Variants in CHRM3 observed in about 807,000 individuals in gnomAD.
CHRM3 encodes muscarinic acetylcholine receptor M3.
A neutral mutation model predicts 41.8 loss-of-function variants in CHRM3; 11 were observed. That is an observed-to-expected ratio of 0.26 (90% CI 0.17 to 0.44). The LOEUF is 0.44. Ranked by LOEUF, CHRM3 falls within the 20% of genes least tolerant of loss-of-function variation. CHRM3 has a pLI of 1.00. For missense variants in CHRM3, 571 were observed against 745.4 expected (o/e 0.77, Z 2.72); for synonymous variants, 297 against 301.4 (o/e 0.99, Z 0.15).
Position 239,456,298 on chromosome 1 carries a change from A to G in CHRM3, c.-520-36411A>G, listed in dbSNP as rs116600646. 1.4e-3 allele frequency among the ~76,000 whole-genome samples: 210 copies of G among 152,338 alleles called. 1 individual carries two copies. The highest frequency in any genetic ancestry group is 2.3e-3 in the Non-Finnish European group (156 of 68,036). On this transcript the variant is annotated intron_variant, in intron 1 of 6. Transcript: ENST00000676153. ...CTTCCAATCCTGCAAGCTGCGTTCG[A>G]GGTAAATGCCCTATGCAGGTAAACC...
At chr1:239,438,999 C>T (rs761471197) in intron 1 of CHRM3, among the ~76,000 whole-genome samples, 3 of 152,278 alleles carry the variant, frequency 2.0e-5, no homozygotes, top group African/African-American at 4.8e-5. Flanking sequence ...AATAATTCCC[C>T]TCCTGAGCAG....
chr1:239,610,719 A>G (rs987686546), intron 3 of CHRM3, among the ~76,000 whole-genome samples: 6 of 152,066 alleles, frequency 3.9e-5, no homozygotes, highest in African/African-American at 1.2e-4. Context: ...TTTAGCCTCC[A>G]CCCTCTGTGC....
chr1:239,524,702 A>C (rs1237155158), intron 2 of CHRM3, among the ~76,000 whole-genome samples: 2 of 152,244 alleles, frequency 1.3e-5, no homozygotes, highest in East Asian at 3.9e-4. Context: ...AAACTCAAAA[A>C]GTTTGAAGAA....
At chr1:239,530,888 C>T (rs1670358169) in intron 2 of CHRM3, among the ~76,000 whole-genome samples, 1 of 151,996 alleles carries the variant, frequency 6.6e-6, no homozygotes, top group Non-Finnish European at 1.5e-5. Flanking sequence ...AAGAAAAAGG[C>T]AGAAAAGGCA....
chr1:239,879,660 G>T (rs955903565), intron 6 of CHRM3, among the ~76,000 whole-genome samples: 2 of 152,210 alleles, frequency 1.3e-5, no homozygotes, highest in African/African-American at 4.8e-5. Flanking sequence ...CGCCCAGTGT[G>T]CAGAATCCGG....
At chr1:239,725,708 G>C in intron 5 of CHRM3, among the ~76,000 whole-genome samples, 1 of 151,904 alleles carries the variant, frequency 6.6e-6, no homozygotes, top group East Asian at 1.9e-4. Flanking sequence ...TTGCTGTCTA[G>C]CTAAACGCTT....
chr1:239,761,817 C>G (rs984848443), intron 5 of CHRM3, among the ~76,000 whole-genome samples: 9 of 152,274 alleles, frequency 5.9e-5, no homozygotes, highest in South Asian at 4.2e-4. Flanking sequence ...TTGCACCGGA[C>G]AGATGTCTGG....
At chr1:239,420,771 A>G (rs1033544124) in intron 1 of CHRM3, among the ~76,000 whole-genome samples, 4 of 152,180 alleles carry the variant, frequency 2.6e-5, no homozygotes, top group African/African-American at 9.6e-5. Context: ...AGAAGTTTAA[A>G]TGTATCTTTT....
chr1:239,717,099 A>T (rs1312370238), intron 5 of CHRM3, among the ~76,000 whole-genome samples: 1 of 152,100 alleles, frequency 6.6e-6, no homozygotes, highest in African/African-American at 2.4e-5. Flanking sequence ...AAAAAAGAAA[A>T]AGTTCAAATG....
At chr1:239,613,795 C>T (rs749394112) in intron 3 of CHRM3, among the ~76,000 whole-genome samples, 3 of 151,878 alleles carry the variant, frequency 2.0e-5, no homozygotes, top group Non-Finnish European at 4.4e-5. Context: ...TTTCCTCTCA[C>T]ATACACTCAA....
At chr1:239,662,933 C>T (rs1043196116) in intron 4 of CHRM3, among the ~76,000 whole-genome samples, 207 of 17,044 alleles carry the variant, frequency 0.012, no homozygotes, top group African/African-American at 0.079. Context: ...TTCTTCTTCT[C>T]CTCTTCTTCT....
chr1:239,618,273 CTTTCTTT>C (rs1396474995), intron 3 of CHRM3, among the ~76,000 whole-genome samples: 3 of 113,048 alleles, frequency 2.7e-5, no homozygotes, highest in African/African-American at 7.8e-5. Flanking sequence ...CTTTTTTTTT[CTTTCTTT>C]TTTTTTTTTT....
At chr1:239,718,742 C>T (rs1382276184) in intron 5 of CHRM3, 1 of 151,896 alleles carries the variant, frequency 6.6e-6, no homozygotes, top group East Asian at 1.9e-4. Flanking sequence ...TCAGAAGTAA[C>T]CACTAGTAGC....
rs1553337601 is a variant in CHRM3, at chr1:239,602,090, A to ATGTGTGTGTGTGTG, written c.-312-30126_-312-30113dup. ...CACATATGTACACATACATATATAC[A>ATGTGTGTGTGTGTG]TGTGTGTGTGTGTGTGTGTGTATAT... On this transcript the variant is annotated intron_variant, in intron 3 of 6. Transcript: ENST00000676153. Among the ~76,000 whole-genome samples, 502 of 131,206 alleles carry ATGTGTGTGTGTGTG rather than the reference A, an allele frequency of 3.8e-3. 5 individuals carry two copies. Among genetic ancestry groups the ATGTGTGTGTGTGTG allele is most frequent in the Non-Finnish European group, 5.4e-3 (349 of 64,796 alleles). 86.1% of individuals were successfully genotyped at this position (131,206 alleles called of 152,430 possible).
intron 5 of CHRM3, among the ~76,000 whole-genome samples, chr1:239,728,157 G>T (rs1663621372): frequency 6.6e-6 from 1 of 151,796 alleles, no homozygotes; most frequent in Admixed American, 6.6e-5. Flanking sequence ...TTTGCCCATT[G>T]TTGTTAAGGG....
chr1:239,902,689 T>G (rs1380876121), intron 6 of CHRM3, among the ~76,000 whole-genome samples: 3 of 152,186 alleles, frequency 2.0e-5, no homozygotes. Context: ...CATTCCCTTC[T>G]TTTCTCGTTG....
At chr1:239,770,321 C>G (rs1341684420) in intron 5 of CHRM3, among the ~76,000 whole-genome samples, 1 of 152,138 alleles carries the variant, frequency 6.6e-6, no homozygotes, top group Non-Finnish European at 1.5e-5. Context: ...GCCCTTTCCT[C>G]ATCTCAGTTT....
intron 4 of CHRM3, among the ~76,000 whole-genome samples, chr1:239,641,478 G>A (rs991728570): frequency 1.4e-5 from 2 of 146,276 alleles, no homozygotes; most frequent in Non-Finnish European, 3.0e-5. Context: ...ATTTAGGATA[G>A]TTAGCTCTTC....
intron 5 of CHRM3, among the ~76,000 whole-genome samples, chr1:239,794,060 C>T (rs1424945260): frequency 6.6e-6 from 1 of 151,990 alleles, no homozygotes. Flanking sequence ...CTGCCTTCGC[C>T]TCCCAAAGGG....
Sources: allele counts gnomAD v4.1 joint callset (sites outside exome capture counted in the v4.1 genomes callset), GRCh38; gene constraint gnomAD v4.1.1; transcripts MANE v1.5; gene names NCBI Gene and HGNC (gene_info 2026-07-23, HGNC 2026-07-21).